Variants in CARNMT1 observed in about 807,000 individuals in gnomAD.
The protein encoded by CARNMT1 is carnosine N-methyltransferase 1, also known as protein-L-histidine N-pros-methyltransferase CARNMT1.
A neutral mutation model predicts 49.6 loss-of-function variants in CARNMT1; 28 were observed. The observed-to-expected ratio is 0.56, with a 90% confidence interval of 0.42 to 0.77. CARNMT1 has a LOEUF of 0.77. Ranked by LOEUF, CARNMT1 falls within the 30% of genes least tolerant of loss-of-function variation. The pLI is 0.00. For synonymous variants in CARNMT1, 178 were observed against 175.0 expected (o/e 1.02, Z -0.13); for missense variants, 421 against 512.6 (o/e 0.82, Z 1.73).
chr9:74,995,597 G>A (rs943490579), intron 6 of CARNMT1, among the ~76,000 whole-genome samples: 4 of 152,068 alleles, frequency 2.6e-5, no homozygotes, highest in African/African-American at 9.7e-5. Context: ...GTCCCAAATG[G>A]CAAAATTTCT....
chr9:75,023,811 T>C (rs970525974), intron 1 of CARNMT1, among the ~76,000 whole-genome samples: 4 of 152,140 alleles, frequency 2.6e-5, no homozygotes, highest in African/African-American at 7.2e-5. Flanking sequence ...AGTTGATGAG[T>C]TGTAACAAGA....
At chr9:75,016,048 A>G (rs1587298503) in intron 3 of CARNMT1, 2 of 402,444 alleles carry the variant, frequency 5.0e-6, no homozygotes, top group East Asian at 8.0e-5. Flanking sequence ...TTATTATTTA[A>G]TTTCTAAGTA....
In CARNMT1 at chr9:74,999,694, G is replaced by T. The variant is rs755167009; in HGVS notation, c.731+36C>A. The T allele has an allele frequency of 3.7e-5, 58 of 1,575,936 alleles. 1 individual carries two copies. In the South Asian group the frequency reaches 6.0e-4, roughly 16 times the overall value. ...AATAGGTAAGTCAATCTGATTCTGA[G>T]AAATTACTATTTCCAGCAAAAAATA... On this transcript the variant is annotated intron_variant, in intron 4 of 7. Transcript: ENST00000376834.
intron 1 of CARNMT1, among the ~76,000 whole-genome samples, chr9:75,023,881 C>T (rs1822448373): frequency 6.6e-6 from 1 of 152,316 alleles, no homozygotes; most frequent in Middle Eastern, 3.4e-3. Flanking sequence ...GAAACTCTGC[C>T]AAACCTGCTT....
At chr9:74,984,116 T>A (rs1832756101) in intron 7 of CARNMT1, among the ~76,000 whole-genome samples, 2 of 152,216 alleles carry the variant, frequency 1.3e-5, no homozygotes, top group African/African-American at 4.8e-5. Flanking sequence ...CTATAATATG[T>A]TGCTTCTCGT....
rs150349391 is a variant in CARNMT1, at chr9:75,018,837, C to T, written c.231-1389G>A. ...TAAAAATTGGCTGGGCATGGTGGCG[C>T]CCACCAGTAATCCCAGCTACTTGGA... On this transcript the variant is annotated intron_variant, in intron 1 of 7. Transcript: ENST00000376834. Among the ~76,000 whole-genome samples, 297 of 152,020 alleles carry T rather than the reference C, an allele frequency of 2.0e-3. 1 individual carries two copies. Among genetic ancestry groups the T allele is most frequent in the African/African-American group, 6.9e-3 (288 of 41,468 alleles).
chr9:75,012,402 T>TCC (rs1833719944), intron 3 of CARNMT1, among the ~76,000 whole-genome samples: 1 of 149,568 alleles, frequency 6.7e-6, no homozygotes, highest in South Asian at 2.2e-4. Context: ...TTCTCCTGCC[T>TCC]CAGACTCCTG....
At chr9:75,025,748 G>A (rs910176372) in intron 1 of CARNMT1, among the ~76,000 whole-genome samples, 1 of 152,060 alleles carries the variant, frequency 6.6e-6, no homozygotes, top group Non-Finnish European at 1.5e-5. Context: ...ATTGTTTAAG[G>A]GTCAACTGTA....
chr9:75,016,258 T>C lies in CARNMT1; in HGVS notation c.590+10A>G. The C allele has an allele frequency of 6.3e-7, 1 of 1,598,544 alleles. No individual in the cohort carries two copies. The highest frequency in any genetic ancestry group is 8.6e-7 in the Non-Finnish European group (1 of 1,168,746). On this transcript the variant is annotated intron_variant, in intron 3 of 7. Transcript: ENST00000376834. ...TTTAAAAACTTGGTTAAAAATGAGG[T>C]ACTATTTACCATCTCTCTTTTGGAA...
upstream of CARNMT1, chr9:75,028,355 C>T (rs902273052): frequency 7.7e-7 from 1 of 1,302,390 alleles, no homozygotes; most frequent in Non-Finnish European, 9.7e-7. Context: ...CCCCAGCTCG[C>T]GGCGCGCTCC....
At chr9:75,001,945 T>C (rs957717162) in intron 3 of CARNMT1, among the ~76,000 whole-genome samples, 1 of 151,688 alleles carries the variant, frequency 6.6e-6, no homozygotes, top group Admixed American at 6.6e-5. Context: ...AGGCATACAA[T>C]ATGTGGCTCA....
Position 74,983,734 on chromosome 9 carries a change from A to G in CARNMT1, c.*33T>C, listed in dbSNP as rs768397946. On this transcript the variant is annotated 3_prime_UTR_variant, in exon 8 of 8. Coordinates refer to ENST00000376834, the MANE Select transcript of CARNMT1 (RefSeq NM_152420.3). ...GTTGATTTCAGCATTTGTTCTTACT[A>G]AACTTTTTTCCAGGTGGTATCACTT... The G allele has an allele frequency of 1.5e-6, 2 of 1,353,936 alleles. No homozygotes were observed. The highest frequency in any genetic ancestry group is 2.3e-5 in the East Asian group (1 of 42,618). 83.9% of individuals were successfully genotyped at this position (1,353,936 alleles called of 1,614,324 possible).
At position 74,981,316 on chromosome 9, in the gene CARNMT1, C is replaced by G. The variant is rs769432848; in HGVS notation, c.*2451G>C. 7.2e-5 allele frequency: 11 copies of G among 152,128 alleles called. No individual in the cohort carries two copies. The highest frequency in any genetic ancestry group is 1.6e-4 in the Non-Finnish European group (11 of 67,990). The allele number at this position is 152,128 out of a possible 1,614,324, so 9.4% of individuals were successfully genotyped here. A position where few individuals can be genotyped will look rare whatever the true frequency, so the allele number is the denominator to read the frequency against. ...GAAATTAAACAAAAAAACATAAGCA[C>G]AGTGGACTATCTCCTCCCATTTCAT... On this transcript the variant is annotated 3_prime_UTR_variant, in exon 8 of 8. Coordinates refer to ENST00000376834, the MANE Select transcript of CARNMT1 (RefSeq NM_152420.3).
intron 3 of CARNMT1, among the ~76,000 whole-genome samples, chr9:75,011,789 G>A (rs1180150725): frequency 1.3e-5 from 2 of 152,144 alleles, no homozygotes; most frequent in Non-Finnish European, 2.9e-5. Flanking sequence ...TCTAGGAGAT[G>A]AGGCAGGCTT....
Position 74,998,694 on chromosome 9 carries a change from G to A in CARNMT1, c.814C>T (p.Pro272Ser), listed in dbSNP as rs750274802. ...GGGTCAACATCAGGGAAAAAGATGG[G>A]TCGAATCTGATCAGCTGATCTCCGG... ...NNRRSADQIR[P>S]IFFPDVDPHS... The change falls in exon 5 of 8, where the codon CCC becomes TCC. Residue 272 changes from proline (P) to serine (S), a missense_variant. Physicochemically the swap from Pro to Ser is moderately conservative, Grantham distance 74 (BLOSUM62 -1). Coordinates refer to ENST00000376834, the MANE Select transcript of CARNMT1 (RefSeq NM_152420.3). The A allele has an allele frequency of 1.9e-6, 3 of 1,608,272 alleles. No individual in the cohort carries two copies. The highest frequency in any genetic ancestry group is 2.5e-6 in the Non-Finnish European group (3 of 1,176,902).
chr9:75,017,115 T>G, intron 2 of CARNMT1, 138 bp downstream of exon 2: 1 of 651,340 alleles, frequency 1.5e-6, no homozygotes, highest in South Asian at 2.1e-5. Context: ...ATCAAATGAC[T>G]GAACATTTAA....
chr9:75,008,976 A>AT (rs1397819520), intron 3 of CARNMT1, among the ~76,000 whole-genome samples: 1 of 152,130 alleles, frequency 6.6e-6, no homozygotes, highest in Non-Finnish European at 1.5e-5. Flanking sequence ...ATGAAACAGA[A>AT]TATAGAGTCC....
At chr9:74,990,457 C>G (rs916664949) in intron 6 of CARNMT1, among the ~76,000 whole-genome samples, 1 of 152,056 alleles carries the variant, frequency 6.6e-6, no homozygotes, top group African/African-American at 2.4e-5. Context: ...TATGAACTTA[C>G]GATTTTGTCT....
chr9:75,016,742 C>T (rs945090825), intron 2 of CARNMT1: 13 of 284,658 alleles, frequency 4.6e-5, no homozygotes, highest in Non-Finnish European at 7.8e-5. Flanking sequence ...GAAGAAAGTC[C>T]CTCCAGGTCA....
Sources: allele counts gnomAD v4.1 joint callset (sites outside exome capture counted in the v4.1 genomes callset), GRCh38; gene constraint gnomAD v4.1.1; transcripts MANE v1.5; gene names NCBI Gene and HGNC (gene_info 2026-07-23, HGNC 2026-07-21).